SSBP3: variants seen among roughly 807,000 people sequenced by gnomAD.
SSBP3 encodes the protein single stranded DNA binding protein 3.
In SSBP3, 5 loss-of-function variants were observed where a neutral mutation model predicts 69.6. The observed-to-expected ratio is 0.07, with a 90% CI of 0.04 to 0.15. SSBP3 has a LOEUF of 0.15. Ranked by LOEUF, SSBP3 falls within the 10% of genes least tolerant of loss-of-function variation. The pLI is 1.00. For missense variants in SSBP3, 312 were observed against 534.0 expected, an observed-to-expected ratio of 0.58 and a Z score of 4.10; for synonymous variants, 196 against 193.4, an observed-to-expected ratio of 1.01 and a Z score of -0.11.
At chr1:54,316,658 AATAAAAT>A (rs1389186588) in intron 4 of SSBP3, among the ~76,000 whole-genome samples, 927 of 50,148 alleles carry the variant, frequency 0.018, 100 homozygotes, top group Middle Eastern at 0.057. Context: ...AAAAAAAAAA[AATAAAAT>A]AAATAAATAA....
At chr1:54,228,522 C>G (rs750125364) in intron 15 of SSBP3, 45 bp from the exon 16 acceptor site, 2 of 1,613,022 alleles carry the variant, frequency 1.2e-6, no homozygotes, top group Non-Finnish European at 1.7e-6. Flanking sequence ...CTTGCTCTTC[C>G]ACGGAGGGGT....
At chr1:54,331,716 A>T (rs114407978) in intron 4 of SSBP3, among the ~76,000 whole-genome samples, 1 of 152,240 alleles carries the variant, frequency 6.6e-6, no homozygotes, top group Non-Finnish European at 1.5e-5. Flanking sequence ...CTGGATGGTC[A>T]CCAAAAAGGA....
intron 5 of SSBP3, among the ~76,000 whole-genome samples, chr1:54,262,655 C>G (rs190247451): frequency 1.3e-5 from 2 of 152,222 alleles, no homozygotes; most frequent in Non-Finnish European, 2.9e-5. Flanking sequence ...ATGCCTACCT[C>G]CCTCTCACTC....
At position 54,241,480 on chromosome 1, in the gene SSBP3, G is replaced by A. The variant is rs1232860906; in HGVS notation, c.795C>T (p.Thr265=). The A allele has an allele frequency of 2.5e-6, 4 of 1,614,122 alleles. No homozygotes were observed. The South Asian group carries it at 3.3e-5, about 13-fold the overall frequency. ...CCCAAACCCACACACTTACCACATA[G>A]GTACCAGGTGATGAGGAGGAGTATG... is the stretch of plus-strand genomic sequence containing the variant. The change falls in exon 12 of 18, where the codon ACC becomes ACT. Residue 265 remains threonine, a synonymous_variant. Transcript: ENST00000610401.
intron 14 of SSBP3, among the ~76,000 whole-genome samples, chr1:54,229,690 G>A (rs1057378088): frequency 3.9e-5 from 6 of 152,200 alleles, no homozygotes; most frequent in South Asian, 4.1e-4. Flanking sequence ...GGGGAGGGGC[G>A]GCTGAGCCCA....
intron 4 of SSBP3, among the ~76,000 whole-genome samples, chr1:54,300,932 T>C (rs1183737706): frequency 6.6e-6 from 1 of 152,224 alleles, no homozygotes; most frequent in Admixed American, 6.5e-5. Context: ...TCCACTGATA[T>C]CCACGGGCAT....
intron 10 of SSBP3, chr1:54,242,989 G>A (rs1644667629): frequency 2.0e-6 from 1 of 508,818 alleles, no homozygotes; most frequent in Non-Finnish European, 3.5e-6. Flanking sequence ...TCGCGTCATA[G>A]GGTAATCATG....
At chr1:54,410,341 G>A (rs143864039), upstream of SSBP3, among the ~76,000 whole-genome samples, 2 of 152,202 alleles carry the variant, frequency 1.3e-5, no homozygotes, top group Non-Finnish European at 2.9e-5. Context: ...GAAGGAGGTG[G>A]TTAAAGGAAA....
At chr1:54,294,903 C>T (rs147736201) in intron 4 of SSBP3, among the ~76,000 whole-genome samples, 1 of 152,160 alleles carries the variant, frequency 6.6e-6, no homozygotes, top group Non-Finnish European at 1.5e-5. Context: ...TAGGGTACCA[C>T]CCTGCGATAC....
At chr1:54,380,747 A>G (rs1647563708) in intron 4 of SSBP3, among the ~76,000 whole-genome samples, 1 of 152,018 alleles carries the variant, frequency 6.6e-6, no homozygotes, top group South Asian at 2.1e-4. Context: ...ACCCCCAACC[A>G]TGGGGTTGGG....
At chr1:54,329,376 G>A (rs1646367876) in intron 4 of SSBP3, among the ~76,000 whole-genome samples, 2 of 152,238 alleles carry the variant, frequency 1.3e-5, no homozygotes, top group Non-Finnish European at 2.9e-5. Flanking sequence ...TGTTAGATCA[G>A]GGACAAAACC....
chr1:54,251,774 G>GC lies in SSBP3; in HGVS notation c.574+19dup, dbSNP rs1468937738. ...CTCCTGGCATCCCCAGCCACCCTAGGCCCACCCTGCCCTCTCTACCTTGTT... is the reference window on the plus strand; with the variant it reads ...CTCCTGGCATCCCCAGCCACCCTAGGCCCCACCCTGCCCTCTCTACCTTGTT... On this transcript the variant is annotated intron_variant, in intron 8 of 17. Transcript: ENST00000610401. The GC allele has an allele frequency of 6.2e-7, 1 of 1,609,542 alleles. No individual in the cohort carries two copies. The highest frequency in any genetic ancestry group is 1.1e-5 in the South Asian group (1 of 90,364).
chr1:54,285,742 C>T (rs1371050671), intron 4 of SSBP3, among the ~76,000 whole-genome samples: 3 of 152,148 alleles, frequency 2.0e-5, no homozygotes, highest in Non-Finnish European at 4.4e-5. Flanking sequence ...AACACAAAAC[C>T]AAAACCCCTG....
intron 1 of SSBP3, among the ~76,000 whole-genome samples, chr1:54,412,281 A>C (rs554053165): frequency 6.6e-6 from 1 of 152,174 alleles, no homozygotes; most frequent in Non-Finnish European, 1.5e-5. Context: ...GTGAGCCGAG[A>C]TCATGCCACT....
chr1:54,358,671 T>C (rs1646905692), intron 4 of SSBP3, among the ~76,000 whole-genome samples: 1 of 152,090 alleles, frequency 6.6e-6, no homozygotes, highest in Non-Finnish European at 1.5e-5. Context: ...GGGAGACCAG[T>C]ACCATCCTAG....
chr1:54,351,136 A>G (rs886910416), intron 4 of SSBP3, among the ~76,000 whole-genome samples: 1 of 152,110 alleles, frequency 6.6e-6, no homozygotes, highest in Non-Finnish European at 1.5e-5. Context: ...CTTAAATGCT[A>G]TTTTTTATAA....
chr1:54,290,656 G>T (rs547364029), intron 4 of SSBP3, among the ~76,000 whole-genome samples: 91 of 152,188 alleles, frequency 6.0e-4, no homozygotes, highest in Admixed American at 9.8e-4. Flanking sequence ...GGTAAGAGGT[G>T]GAGCCCCATG....
intron 4 of SSBP3, among the ~76,000 whole-genome samples, chr1:54,322,201 G>A (rs1413481627): frequency 6.6e-6 from 1 of 152,180 alleles, no homozygotes; most frequent in Non-Finnish European, 1.5e-5. Flanking sequence ...AGGCTGACCA[G>A]GCAGGAGAAA....
chr1:54,396,116 C>T (rs545012551), intron 4 of SSBP3, among the ~76,000 whole-genome samples: 20 of 143,766 alleles, frequency 1.4e-4, no homozygotes, highest in African/African-American at 3.0e-4. Context: ...CACTTGAACC[C>T]GGGAGGCGGA....
Sources: gnomAD v4.1 joint callset for allele counts (sites outside exome capture counted in the v4.1 genomes callset) on GRCh38, gnomAD v4.1.1 for gene constraint, MANE v1.5 for transcripts, NCBI Gene and HGNC (gene_info 2026-07-23, HGNC 2026-07-21) for gene names.